The following KCTD8 variants were observed in gnomAD, a reference collection of about 807,000 sequenced individuals.
The protein encoded by KCTD8 is potassium channel tetramerization domain containing 8, also known as BTB/POZ domain-containing protein KCTD8.
A neutral mutation model predicts 31.5 loss-of-function variants in KCTD8; 27 were observed. The observed-to-expected ratio is 0.86, with a 90% confidence interval of 0.63 to 1.18. The LOEUF is 1.18. Among genes scored for constraint, KCTD8 ranks in the 50% most tolerant of loss-of-function variants. The probability of loss-of-function intolerance (pLI) is 0.00; values close to 1 mark genes in which losing one functional copy is unlikely to be tolerated. For missense variants in KCTD8, 658 were observed against 647.7 expected (o/e 1.02, Z -0.17); for synonymous variants, 290 against 280.0 (o/e 1.04, Z -0.36).
At chr4:44,399,618 G>A (rs1320451437) in intron 1 of KCTD8, among the ~76,000 whole-genome samples, 1 of 152,158 alleles carries the variant, frequency 6.6e-6, no homozygotes, top group Non-Finnish European at 1.5e-5. Flanking sequence ...GCATAATTCA[G>A]GGTATCCAAT....
At chr4:44,287,237 G>C (rs970099401) in intron 1 of KCTD8, among the ~76,000 whole-genome samples, 2 of 151,950 alleles carry the variant, frequency 1.3e-5, no homozygotes, top group African/African-American at 2.4e-5. Context: ...GACAAAAATA[G>C]CGAAACCTTA....
chr4:44,199,416 C>T (rs377375406), intron 1 of KCTD8, among the ~76,000 whole-genome samples: 2 of 152,152 alleles, frequency 1.3e-5, no homozygotes, highest in African/African-American at 4.8e-5. Context: ...TATAGCAAGT[C>T]TGAGTAAATT....
At chr4:44,182,399 G>T (rs1713451720) in intron 1 of KCTD8, among the ~76,000 whole-genome samples, 1 of 152,270 alleles carries the variant, frequency 6.6e-6, no homozygotes, top group Non-Finnish European at 1.5e-5. Context: ...CTGTGTCTGT[G>T]TAGAAAGAAG....
intron 1 of KCTD8, among the ~76,000 whole-genome samples, chr4:44,265,328 G>A (rs192407988): frequency 2.3e-4 from 35 of 152,282 alleles, no homozygotes; most frequent in African/African-American, 7.0e-4. Flanking sequence ...CTGCAGCTGA[G>A]GGTACTGTAT....
chr4:44,247,264 A>T (rs1715693159), intron 1 of KCTD8, among the ~76,000 whole-genome samples: 1 of 150,404 alleles, frequency 6.6e-6, no homozygotes, highest in African/African-American at 2.4e-5. Context: ...TCCAAAAGGG[A>T]AAAAAAAGCA....
chr4:44,348,817 G>A (rs950258201), intron 1 of KCTD8, among the ~76,000 whole-genome samples: 1 of 151,964 alleles, frequency 6.6e-6, no homozygotes, highest in African/African-American at 2.4e-5. Flanking sequence ...CACCCTCCTT[G>A]ACAGGTTGGC....
chr4:44,286,908 A>G (rs561046230), intron 1 of KCTD8, among the ~76,000 whole-genome samples: 6 of 152,102 alleles, frequency 3.9e-5, no homozygotes, highest in Non-Finnish European at 5.9e-5. Flanking sequence ...GGACTTGTTG[A>G]TTGAGTGACT....
chr4:44,387,713 A>C (rs1285934672), intron 1 of KCTD8, among the ~76,000 whole-genome samples: 1 of 152,062 alleles, frequency 6.6e-6, no homozygotes, highest in Non-Finnish European at 1.5e-5. Flanking sequence ...TACAAAAATT[A>C]ACTCAAGATG....
At chr4:44,275,684 G>T (rs1464031395) in intron 1 of KCTD8, among the ~76,000 whole-genome samples, 1 of 152,012 alleles carries the variant, frequency 6.6e-6, no homozygotes, top group Non-Finnish European at 1.5e-5. Flanking sequence ...TCCTTTACCA[G>T]CTTTTTATTT....
chr4:44,303,188 A>G (rs887533875), intron 1 of KCTD8, among the ~76,000 whole-genome samples: 3 of 151,826 alleles, frequency 2.0e-5, no homozygotes, highest in Non-Finnish European at 2.9e-5. Context: ...CTCTTTTTTG[A>G]TTGTGTCTCT....
chr4:44,443,302 CAAA>C (rs1721858847), intron 1 of KCTD8, among the ~76,000 whole-genome samples: 1 of 152,040 alleles, frequency 6.6e-6, no homozygotes, highest in Non-Finnish European at 1.5e-5. Flanking sequence ...GTTTGGTAAT[CAAA>C]GAAGTATTTT....
intron 1 of KCTD8, among the ~76,000 whole-genome samples, chr4:44,423,062 G>A (rs955948594): frequency 6.6e-6 from 1 of 152,010 alleles, no homozygotes; most frequent in African/African-American, 2.4e-5. Flanking sequence ...TTTACCCCCC[G>A]GGGAACATCT....
At chr4:44,182,150 C>A (rs1299669780) in intron 1 of KCTD8, among the ~76,000 whole-genome samples, 3 of 151,518 alleles carry the variant, frequency 2.0e-5, no homozygotes, top group Admixed American at 6.6e-5. Context: ...CGGCCAGCCG[C>A]CCCGTCCGAG....
intron 1 of KCTD8, among the ~76,000 whole-genome samples, chr4:44,334,234 A>G (rs1025009972): frequency 5.9e-5 from 9 of 152,104 alleles, no homozygotes; most frequent in Non-Finnish European, 1.2e-4. Context: ...TCTAGTTACT[A>G]TGATACAGCA....
chr4:44,358,383 A>T (rs1181610790), intron 1 of KCTD8, among the ~76,000 whole-genome samples: 1 of 152,150 alleles, frequency 6.6e-6, no homozygotes, highest in Non-Finnish European at 1.5e-5. Context: ...TTATAGTGGA[A>T]TGATTTATAA....
intron 1 of KCTD8, among the ~76,000 whole-genome samples, chr4:44,287,569 T>C (rs188268951): frequency 6.6e-6 from 1 of 152,180 alleles, no homozygotes; most frequent in Non-Finnish European, 1.5e-5. Context: ...ATCTAATAAT[T>C]GAAACACTCT....
At chr4:44,307,160 A>C (rs1261937300) in intron 1 of KCTD8, among the ~76,000 whole-genome samples, 1 of 152,058 alleles carries the variant, frequency 6.6e-6, no homozygotes, top group Non-Finnish European at 1.5e-5. Context: ...AAGCTAGTCA[A>C]AATGCACCAT....
At chr4:44,218,642 A>C (rs1714721049) in intron 1 of KCTD8, among the ~76,000 whole-genome samples, 1 of 81,926 alleles carries the variant, frequency 1.2e-5, no homozygotes. Context: ...TAAATAAAGA[A>C]AAAAAAATTA....
chr4:44,401,011 CTTT>C (rs59602420), intron 1 of KCTD8, among the ~76,000 whole-genome samples: 11 of 95,912 alleles, frequency 1.1e-4, no homozygotes, highest in East Asian at 1.1e-3. Context: ...AATTTTCTTT[CTTT>C]TTTTTTTTTT....
Sources: gnomAD v4.1 joint callset for allele counts (sites outside exome capture counted in the v4.1 genomes callset) on GRCh38, gnomAD v4.1.1 for gene constraint, MANE v1.5 for transcripts, NCBI Gene and HGNC (gene_info 2026-07-23, HGNC 2026-07-21) for gene names.